Variants in TMCC1 observed in about 807,000 individuals in gnomAD.
The protein encoded by TMCC1 is transmembrane and coiled-coil domain family 1.
In TMCC1, 15 loss-of-function variants were observed where a neutral mutation model predicts 52.4. The observed-to-expected ratio is 0.29, with a 90% confidence interval of 0.19 to 0.44. The LOEUF is 0.44. Ranked by LOEUF, TMCC1 falls within the 20% of genes least tolerant of loss-of-function variation. The pLI is 1.00. For missense variants in TMCC1, 503 were observed against 806.0 expected, an observed-to-expected ratio of 0.62 and a Z score of 4.55; for synonymous variants, 279 against 301.9, an observed-to-expected ratio of 0.92 and a Z score of 0.79.
chr3:129,661,964 C>A (rs183576190), intron 5 of TMCC1, among the ~76,000 whole-genome samples: 22 of 152,208 alleles, frequency 1.4e-4, no homozygotes, highest in Admixed American at 8.5e-4. Context: ...TGTCTAAATT[C>A]TAAAATGGAG....
chr3:129,689,879 A>G (rs920445927), intron 4 of TMCC1, among the ~76,000 whole-genome samples: 6 of 152,218 alleles, frequency 3.9e-5, no homozygotes, highest in Non-Finnish European at 7.3e-5. Context: ...TTTTCACTTA[A>G]AAATTAGGTG....
chr3:129,723,590 C>G (rs1049092307), intron 4 of TMCC1, among the ~76,000 whole-genome samples: 1 of 152,098 alleles, frequency 6.6e-6, no homozygotes, highest in Non-Finnish European at 1.5e-5. Context: ...GAGGATGACA[C>G]TTACTCTGCA....
At chr3:129,841,792 C>G (rs187147360) in intron 2 of TMCC1, among the ~76,000 whole-genome samples, 68 of 152,324 alleles carry the variant, frequency 4.5e-4, no homozygotes, top group Admixed American at 3.5e-3. Flanking sequence ...CTCACAAGAT[C>G]TGATGGTTTT....
At chr3:129,740,017 A>G (rs1270589105) in intron 4 of TMCC1, among the ~76,000 whole-genome samples, 3 of 152,250 alleles carry the variant, frequency 2.0e-5, no homozygotes, top group Admixed American at 6.5e-5. Context: ...TTTCTCTCAA[A>G]TAATGTTTCT....
At chr3:129,656,966 T>C (rs967823369) in intron 5 of TMCC1, among the ~76,000 whole-genome samples, 22 of 152,236 alleles carry the variant, frequency 1.4e-4, no homozygotes, top group African/African-American at 5.1e-4. Flanking sequence ...GACTGTCCTA[T>C]GTTAGCCCAC....
rs550799245 is a variant in TMCC1, at chr3:129,711,105, C to T, written c.577-39841G>A. On this transcript the variant is annotated intron_variant, in intron 4 of 6. Transcript: ENST00000393238. Reference sequence around the variant, plus strand: ...TCTTGAACTCCTCACCTCAGGTGATCCGCCCGCCTCAGCCTCCCAAAGTAC... The same window carrying T: ...TCTTGAACTCCTCACCTCAGGTGATTCGCCCGCCTCAGCCTCCCAAAGTAC... 6.6e-5 allele frequency among the ~76,000 whole-genome samples: 10 copies of T among 152,280 alleles called. No homozygotes were observed. In the South Asian group the frequency reaches 2.1e-3, roughly 32 times the overall value.
At chr3:129,798,335 A>G (rs1435899787) in intron 4 of TMCC1, among the ~76,000 whole-genome samples, 1 of 151,844 alleles carries the variant, frequency 6.6e-6, no homozygotes, top group African/African-American at 2.4e-5. Context: ...CAGTACCTCC[A>G]TTTTTCTCGC....
chr3:129,730,066 C>T (rs757835506), intron 4 of TMCC1, among the ~76,000 whole-genome samples: 8 of 152,050 alleles, frequency 5.3e-5, no homozygotes, highest in African/African-American at 7.2e-5. Context: ...TACAGGTACT[C>T]GAAATATGGT....
Position 129,651,838 on chromosome 3 carries a change from G to A in TMCC1, c.1648-43C>T, listed in dbSNP as rs770805782. 6.4e-7 allele frequency: 1 copy of A among 1,574,248 alleles called. No individual in the cohort carries two copies. The highest frequency in any genetic ancestry group is 1.2e-5 in the South Asian group (1 of 86,460). On this transcript the variant is annotated intron_variant, in intron 6 of 6. Coordinates refer to ENST00000393238, the MANE Select transcript of TMCC1 (RefSeq NM_001017395.5). The surrounding 1 kb of genome is among the most constrained non-coding windows in gnomAD (Gnocchi z 5.1). The stretch of plus-strand genomic sequence containing the variant: ...GAAGAGTTAAGCCTTCTGCTCACAA[G>A]TATTCTGAGATGCTGACATGCCCCC...
intron 2 of TMCC1, among the ~76,000 whole-genome samples, chr3:129,839,102 T>C (rs879691223): frequency 1.3e-5 from 2 of 152,146 alleles, no homozygotes; most frequent in Admixed American, 1.3e-4. Flanking sequence ...TAGAAAAATA[T>C]ATAAAAGTGA....
chr3:129,745,287 T>C (rs1366728740), intron 4 of TMCC1, among the ~76,000 whole-genome samples: 1 of 152,252 alleles, frequency 6.6e-6, no homozygotes, highest in Non-Finnish European at 1.5e-5. Context: ...GATGAGATTA[T>C]AAAACATTTT....
chr3:129,826,643 A>G (rs1044609432), intron 4 of TMCC1, among the ~76,000 whole-genome samples: 1 of 152,140 alleles, frequency 6.6e-6, no homozygotes, highest in Non-Finnish European at 1.5e-5. Flanking sequence ...TTTAAATATC[A>G]TATTTAGGTA....
In TMCC1 at chr3:129,893,661, A is replaced by ACCG. The variant is rs965602692; in HGVS notation, c.-605_-603dup. On this transcript the variant is annotated 5_prime_UTR_variant, in exon 1 of 7. Coordinates refer to ENST00000393238, the MANE Select transcript of TMCC1 (RefSeq NM_001017395.5). ...AGCCGCCGCCGCCTCAGTCACCGCC[A>ACCG]CCGCCGCCGCCGCCTCAGCCCCGGC... 3 of 123,484 alleles carry ACCG rather than the reference A, an allele frequency of 2.4e-5. No individual in the cohort carries two copies. Among genetic ancestry groups the ACCG allele is most frequent in the African/African-American group, 6.1e-5 (2 of 32,844 alleles). The allele number at this position is 123,484 out of a possible 1,614,324, so 7.6% of individuals were successfully genotyped here.
intron 4 of TMCC1, among the ~76,000 whole-genome samples, chr3:129,773,887 G>A (rs999636413): frequency 6.6e-6 from 1 of 152,062 alleles, no homozygotes. Context: ...AGGTGGCAGT[G>A]AGCCATGATT....
intron 2 of TMCC1, among the ~76,000 whole-genome samples, chr3:129,862,947 A>G (rs1425274412): frequency 6.6e-6 from 1 of 152,338 alleles, no homozygotes; most frequent in South Asian, 2.1e-4. Flanking sequence ...CTAAAAGTCT[A>G]AAGACCTTAT....
intron 4 of TMCC1, among the ~76,000 whole-genome samples, chr3:129,802,203 A>G (rs1396990689): frequency 6.6e-6 from 1 of 152,224 alleles, no homozygotes; most frequent in Non-Finnish European, 1.5e-5. Flanking sequence ...TGGGTTATCA[A>G]TGCTTTGAAT....
chr3:129,649,011 C>CA lies in TMCC1; in HGVS notation c.*2469dup. ...TTGAGAAAGGAAGATAGAAAGTCAG[C>CA]ATGGGACTATTTGGCTGGAGGCAGG... is the stretch of plus-strand genomic sequence containing the variant. On this transcript the variant is annotated 3_prime_UTR_variant, in exon 7 of 7. Coordinates refer to ENST00000393238, the MANE Select transcript of TMCC1 (RefSeq NM_001017395.5). The CA allele has an allele frequency of 6.6e-6, 1 of 152,350 alleles. No homozygotes were observed. Among genetic ancestry groups the CA allele is most frequent in the East Asian group, 1.9e-4 (1 of 5,190 alleles). The allele number at this position is 152,350 out of a possible 1,614,324, so 9.4% of individuals were successfully genotyped here.
At chr3:129,875,099 T>A (rs2061128127) in intron 2 of TMCC1, among the ~76,000 whole-genome samples, 1 of 151,860 alleles carries the variant, frequency 6.6e-6, no homozygotes, top group South Asian at 2.1e-4. Context: ...GGCACATCTG[T>A]AGTCGCAGCT....
rs1269822190 is a variant in TMCC1 at position 129,670,417 on chromosome 3, C to T, written c.1424G>A (p.Arg475Lys). The T allele has an allele frequency of 6.2e-7, 1 of 1,614,184 alleles. No homozygotes were observed. Among genetic ancestry groups the T allele is most frequent in the Non-Finnish European group, 8.5e-7 (1 of 1,180,028 alleles). The change falls in exon 5 of 7, where the codon AGA becomes AAA. Residue 475 changes from arginine to lysine, a missense_variant. Transcript: ENST00000393238. ...EIQEIRETQA[R>K]LEESFETLKE... The stretch of plus-strand genomic sequence containing the variant: ...GAGAGTCTCAAAGGATTCCTCTAGT[C>T]TGGCCTGGGTTTCCCGGATCTCCTG...
Sources: gnomAD v4.1 joint callset for allele counts (sites outside exome capture counted in the v4.1 genomes callset) on GRCh38, gnomAD v4.1.1 for gene constraint, Gnocchi (gnomAD v3.1) non-coding constraint, MANE v1.5 for transcripts, NCBI Gene and HGNC (gene_info 2026-07-23, HGNC 2026-07-21) for gene names.